DCTN6: variants seen among roughly 807,000 people sequenced by gnomAD.
DCTN6 encodes the protein dynactin 6.
Under a neutral mutation model 25.8 loss-of-function variants are expected in DCTN6, and 15 were observed. The observed-to-expected ratio is 0.58, with a 90% confidence interval of 0.39 to 0.89. The LOEUF is 0.89. DCTN6 is among the 40% of genes least tolerant of loss of function. DCTN6 has a pLI of 0.00. For missense variants in DCTN6, 198 were observed against 237.6 expected (o/e 0.83, Z 1.09); for synonymous variants, 64 against 78.3 (o/e 0.82, Z 0.96).
At chr8:30,158,645 TTTCTTC>T (rs1280243743) in intron 1 of DCTN6, among the ~76,000 whole-genome samples, 1 of 152,098 alleles carries the variant, frequency 6.6e-6, no homozygotes, top group Non-Finnish European at 1.5e-5. Flanking sequence ...TACTAAAATC[TTTCTTC>T]TTCAATACAG....
At chr8:30,159,717 A>G (rs1803573746) in intron 1 of DCTN6, among the ~76,000 whole-genome samples, 1 of 151,602 alleles carries the variant, frequency 6.6e-6, no homozygotes, top group Non-Finnish European at 1.5e-5. Flanking sequence ...TCAGAAACCT[A>G]GAGGCTTTGA....
intron 2 of DCTN6, among the ~76,000 whole-genome samples, chr8:30,170,104 C>G (rs1307055393): frequency 6.6e-6 from 1 of 150,954 alleles, no homozygotes; most frequent in African/African-American, 2.4e-5. Flanking sequence ...ACCTGGGAGG[C>G]GGAGGTTGCA....
intron 2 of DCTN6, among the ~76,000 whole-genome samples, chr8:30,172,413 C>CT (rs1426290953): frequency 2.6e-5 from 4 of 151,588 alleles, no homozygotes; most frequent in Non-Finnish European, 5.9e-5. Context: ...TATTTTTAAA[C>CT]TTTTTAATGA....
intron 2 of DCTN6, among the ~76,000 whole-genome samples, chr8:30,168,801 C>G (rs961032331): frequency 6.6e-6 from 1 of 152,142 alleles, no homozygotes; most frequent in African/African-American, 2.4e-5. Context: ...GAGCCTGACC[C>G]CCTTATTCAA....
intron 1 of DCTN6, among the ~76,000 whole-genome samples, chr8:30,160,976 A>G (rs34631430): frequency 2.6e-5 from 4 of 152,290 alleles, no homozygotes; most frequent in Non-Finnish European, 4.4e-5. Context: ...ACATACCTGC[A>G]GCTTCTCCTA....
chr8:30,167,150 C>T (rs1243980308), intron 2 of DCTN6, among the ~76,000 whole-genome samples: 1 of 149,988 alleles, frequency 6.7e-6, no homozygotes, highest in East Asian at 2.0e-4. Context: ...GAAAAATTAG[C>T]AGAAGGAAGG....
Position 30,156,388 on chromosome 8 carries a change from C to G in DCTN6, c.5C>G (p.Ala2Gly). The change falls in exon 1 of 7, where the codon GCG becomes GGG. Residue 2 changes from alanine (A) to glycine (G), a missense_variant. By Grantham distance (60) the Ala-to-Gly change is moderately conservative (BLOSUM62 0). Coordinates refer to ENST00000221114, the MANE Select transcript of DCTN6 (RefSeq NM_006571.4). ...CGTTCCAATTGGGGCCGTACCATGG[C>G]GGAGAAGACTCAAAAGAGGTGGGTT... M[A>G]EKTQKSVKIA... 6.2e-7 allele frequency: 1 copy of G among 1,605,886 alleles called. No homozygotes were observed.
At chr8:30,161,417 C>A (rs936806726) in intron 1 of DCTN6, among the ~76,000 whole-genome samples, 3 of 152,174 alleles carry the variant, frequency 2.0e-5, no homozygotes, top group Non-Finnish European at 4.4e-5. Context: ...CCCCCCCCAC[C>A]ACCAAGTACT....
At chr8:30,181,715 C>G (rs1563232108) in intron 6 of DCTN6, among the ~76,000 whole-genome samples, 1 of 151,838 alleles carries the variant, frequency 6.6e-6, no homozygotes, top group African/African-American at 2.4e-5. Flanking sequence ...TCATGAGACC[C>G]CATCTCTACA....
intron 1 of DCTN6, among the ~76,000 whole-genome samples, chr8:30,160,627 G>A (rs1368097136): frequency 4.0e-5 from 6 of 151,100 alleles, no homozygotes; most frequent in Non-Finnish European, 8.9e-5. Context: ...ATCGAAAATA[G>A]GAAAAAAAAA....
At chr8:30,159,298 C>T (rs762654047) in intron 1 of DCTN6, among the ~76,000 whole-genome samples, 50 of 151,262 alleles carry the variant, frequency 3.3e-4, no homozygotes, top group Non-Finnish European at 5.3e-4. Flanking sequence ...AAATTCATGG[C>T]GGTGTGAAGG....
In DCTN6 at chr8:30,180,621, G is replaced by A. The variant is rs766976301; in HGVS notation, c.465G>A (p.Glu155=). The A allele has an allele frequency of 6.2e-7, 1 of 1,614,070 alleles. No individual in the cohort carries two copies. The highest frequency in any genetic ancestry group is 1.1e-5 in the South Asian group (1 of 91,062). Residue 155 remains glutamate (E), a synonymous_variant, in exon 6 of 7, where the codon GAG becomes GAA. Transcript: ENST00000221114. Reference sequence around the variant, plus strand: ...ACTGCCTTCGTCGGGTGCAGACTGAGCGACCGCAGGTACTAGAACCTCTCT... The same window carrying A: ...ACTGCCTTCGTCGGGTGCAGACTGAACGACCGCAGGTACTAGAACCTCTCT... ...GADCLRRVQT[E]RPQPQTLQLD...
chr8:30,159,362 T>G (rs2117573338), intron 1 of DCTN6, among the ~76,000 whole-genome samples: 1 of 152,300 alleles, frequency 6.6e-6, no homozygotes, highest in South Asian at 2.1e-4. Flanking sequence ...CTTTTTTTTT[T>G]AGTTCATCAC....
intron 4 of DCTN6, 156 bp downstream of exon 4, chr8:30,177,370 A>G (rs948759834): frequency 3.5e-6 from 2 of 578,128 alleles, no homozygotes; most frequent in Non-Finnish European, 6.0e-6. Context: ...TCTATCAAAC[A>G]TACTTACATT....
intron 1 of DCTN6, among the ~76,000 whole-genome samples, chr8:30,160,962 C>G (rs181634549): frequency 1.3e-5 from 2 of 152,284 alleles, no homozygotes; most frequent in African/African-American, 4.8e-5. Flanking sequence ...TTTCTATTTC[C>G]TAGACATACC....
chr8:30,168,139 T>G (rs779021074), intron 2 of DCTN6, among the ~76,000 whole-genome samples: 1 of 152,212 alleles, frequency 6.6e-6, no homozygotes, highest in African/African-American at 2.4e-5. Flanking sequence ...AAAACTCAAT[T>G]TTAAAAGTTA....
At chr8:30,167,346 A>AGTTTGTTTGTTT (rs904968706) in intron 2 of DCTN6, among the ~76,000 whole-genome samples, 1 of 151,850 alleles carries the variant, frequency 6.6e-6, no homozygotes, top group African/African-American at 2.4e-5. Flanking sequence ...CTTTCCTTTT[A>AGTTTGTTTGTTT]GTTTGTTTGT....
intron 2 of DCTN6, among the ~76,000 whole-genome samples, chr8:30,173,901 G>A (rs1357878000): frequency 1.3e-5 from 2 of 152,028 alleles, no homozygotes; most frequent in African/African-American, 2.4e-5. Flanking sequence ...TGAGGGGTAC[G>A]TGGGATGGAT....
intron 5 of DCTN6, 151 bp from the exon 6 acceptor site, chr8:30,180,337 G>C: frequency 1.1e-6 from 1 of 903,544 alleles, no homozygotes; most frequent in Non-Finnish European, 1.6e-6. Context: ...GCCTGCCTCT[G>C]TGTTGTCCAT....
Sources: gnomAD v4.1 joint callset for allele counts (sites outside exome capture counted in the v4.1 genomes callset) on GRCh38, gnomAD v4.1.1 for gene constraint, MANE v1.5 for transcripts, NCBI Gene and HGNC (gene_info 2026-07-23, HGNC 2026-07-21) for gene names.